Variants in TUBGCP2 observed in about 807,000 individuals in gnomAD.
The protein encoded by TUBGCP2 is tubulin gamma complex component 2.
TUBGCP2 carries 55 observed loss-of-function variants against 92.2 expected under a neutral mutation model. The observed-to-expected ratio is 0.60, with a 90% CI of 0.48 to 0.75. The LOEUF (loss-of-function observed/expected upper bound fraction) is 0.75, where lower values mean the gene tolerates loss of function less well. Among genes scored for constraint, TUBGCP2 ranks in the 30% least tolerant of loss-of-function variants. The pLI is 0.00. For missense variants in TUBGCP2, 1,093 were observed against 1,188.9 expected, an observed-to-expected ratio of 0.92 and a Z score of 1.19; for synonymous variants, 533 against 505.2, an observed-to-expected ratio of 1.06 and a Z score of -0.74.
intron 14 of TUBGCP2, 95 bp downstream of exon 14, chr10:133,283,787 T>TGCCTCTCCCC: frequency 6.4e-7 from 1 of 1,559,382 alleles, no homozygotes; most frequent in East Asian, 2.3e-5. Context: ...CTGCACTCCC[T>TGCCTCTCCCC]GCCTCTCCCC....
rs752012796 is a variant in TUBGCP2 at position 133,298,159 on chromosome 10, GCAAA to G, written c.457-52_457-49del. Reference sequence around the variant, plus strand: ...CAAAACCAGAAAGATACACTTTAGCGCAAACACTCAACTAAAGACATGCATAGAA... The same window carrying G: ...CAAAACCAGAAAGATACACTTTAGCGCACTCAACTAAAGACATGCATAGAA... On this transcript the variant is annotated intron_variant, in intron 4 of 17. Coordinates refer to ENST00000252936, the MANE Select transcript of TUBGCP2 (RefSeq NM_006659.4). The G allele has an allele frequency of 1.2e-5, 19 of 1,584,470 alleles. No homozygotes were observed. The South Asian group carries it at 2.1e-4, about 18-fold the overall frequency.
intron 4 of TUBGCP2, among the ~76,000 whole-genome samples, 183 bp downstream of exon 4, chr10:133,299,244 A>T (rs1847569153): frequency 6.6e-6 from 1 of 152,190 alleles, no homozygotes; most frequent in African/African-American, 2.4e-5. Flanking sequence ...CTAAACATAT[A>T]GAGCTAGGTC....
In TUBGCP2 at chr10:133,292,033, CT is replaced by C. The variant is rs200336380; in HGVS notation, c.1214+465del. ...GTGTCCCCCATGTCCCTCTGTGTCC[CT>C]CCGTGTCCCTCCGTGTCCCCCATGT... On this transcript the variant is annotated intron_variant, in intron 8 of 17. Coordinates refer to ENST00000252936, the MANE Select transcript of TUBGCP2 (RefSeq NM_006659.4). Among the ~76,000 whole-genome samples, 7 of 7,420 alleles carry C rather than the reference CT, an allele frequency of 9.4e-4. 1 individual carries two copies. The highest frequency in any genetic ancestry group is 3.5e-3 in the African/African-American group (6 of 1,710). The allele number at this position is 7,420 out of a possible 152,430, so 4.9% of individuals were successfully genotyped here.
chr10:133,310,524 G>A (rs763838910), upstream of TUBGCP2: 7 of 552,966 alleles, frequency 1.3e-5, no homozygotes, highest in East Asian at 1.9e-4. Flanking sequence ...TGCCGGTGGA[G>A]GCAGCAGAGG....
intron 2 of TUBGCP2, 141 bp from the exon 3 acceptor site, chr10:133,300,254 C>T: frequency 2.0e-6 from 2 of 978,320 alleles, no homozygotes; most frequent in Non-Finnish European, 3.0e-6. Context: ...AATAAACTAA[C>T]AAAACTCATC....
At chr10:133,312,030 C>T, upstream of TUBGCP2, 1 of 1,534,624 alleles carries the variant, frequency 6.5e-7, no homozygotes, top group Non-Finnish European at 8.8e-7. Context: ...GTTTCTCTCG[C>T]ATACTCTGTT....
Position 133,284,010 on chromosome 10 carries a change from A to C in TUBGCP2, c.2025-8T>G. The C allele has an allele frequency of 6.2e-7, 1 of 1,612,944 alleles. No homozygotes were observed. Among genetic ancestry groups the C allele is most frequent in the Non-Finnish European group, 8.5e-7 (1 of 1,179,534 alleles). The stretch of plus-strand genomic sequence containing the variant: ...GTGAAAGCCCCAGCAAACCTGAGTG[A>C]CACGGAGGACGGAGGACAGCCATGG... On this transcript the variant is annotated splice_region_variant and splice_polypyrimidine_tract_variant and intron_variant, in intron 13 of 17. Coordinates refer to ENST00000252936, the MANE Select transcript of TUBGCP2 (RefSeq NM_006659.4).
chr10:133,281,537 T>C (rs1193448415), intron 16 of TUBGCP2, 101 bp from the exon 17 acceptor site: 1 of 1,402,478 alleles, frequency 7.1e-7, no homozygotes, highest in Non-Finnish European at 9.5e-7. Context: ...CCCTTCCCCT[T>C]TTCTTAAATA....
intron 13 of TUBGCP2, among the ~76,000 whole-genome samples, chr10:133,284,291 G>A (rs1847072244): frequency 6.6e-6 from 1 of 152,206 alleles, no homozygotes; most frequent in Non-Finnish European, 1.5e-5. Flanking sequence ...ACCCCTCGGA[G>A]CCCACGCCAG....
chr10:133,280,462 C>A (rs1846938506), intron 17 of TUBGCP2, among the ~76,000 whole-genome samples: 1 of 152,216 alleles, frequency 6.6e-6, no homozygotes, highest in Non-Finnish European at 1.5e-5. Flanking sequence ...GGGCACCACC[C>A]CTTCCAGGCT....
chr10:133,300,341 C>T (rs560555789), intron 2 of TUBGCP2: 9 of 437,392 alleles, frequency 2.1e-5, no homozygotes, highest in Non-Finnish European at 2.8e-5. Flanking sequence ...TTTGGGAGGC[C>T]GAGGCTGGTA....
At chr10:133,298,490 C>T (rs569955915) in intron 4 of TUBGCP2, among the ~76,000 whole-genome samples, 29 of 152,378 alleles carry the variant, frequency 1.9e-4, no homozygotes, top group African/African-American at 6.0e-4. Flanking sequence ...GTGACTAGGT[C>T]TGAACACCAC....
chr10:133,282,264 C>G lies in TUBGCP2; in HGVS notation c.2368G>C (p.Ala790Pro). ...TTCCGGGCCCGCTCCTCGGCCCCTGCGGGCAGCCCCAGGACGGTGCTGTGC... is the reference window on the plus strand; with the variant it reads ...TTCCGGGCCCGCTCCTCGGCCCCTGGGGGCAGCCCCAGGACGGTGCTGTGC... Reference protein sequence around the residue: ...LEHSTVLGLPAGAEERARKEL... With the variant: ...LEHSTVLGLPPGAEERARKEL... The change falls in exon 16 of 18, where the codon GCA (alanine) becomes CCA (proline). Residue 790 changes from alanine (A) to proline (P), a missense_variant. Physicochemically the swap from Ala to Pro is conservative, Grantham distance 27. This residue lies in a region of TUBGCP2 where 598 missense variants were observed against 675.5 expected (regional missense o/e 0.89). Transcript: ENST00000252936. The G allele has an allele frequency of 1.2e-6, 2 of 1,611,266 alleles. No homozygotes were observed. The highest frequency in any genetic ancestry group is 1.7e-6 in the Non-Finnish European group (2 of 1,179,082).
intron 14 of TUBGCP2, among the ~76,000 whole-genome samples, 183 bp downstream of exon 14, chr10:133,283,690 ATTCCCTGCC>A (rs1847049058): frequency 8.1e-5 from 1 of 12,290 alleles, no homozygotes; most frequent in Non-Finnish European, 1.4e-4. Flanking sequence ...CCTCTCCCGC[ATTCCCTGCC>A]TCTCCCGCAC....
At chr10:133,309,197 G>GGGCGGGGCCGGAGCCTGGGACA, upstream of TUBGCP2, 1 of 1,373,938 alleles carries the variant, frequency 7.3e-7, no homozygotes, top group Non-Finnish European at 9.6e-7. Flanking sequence ...TACGACTGCG[G>GGGCGGGGCCGGAGCCTGGGACA]GGCGGGGCCG....
chr10:133,285,835 C>T lies in TUBGCP2; in HGVS notation c.1723-207G>A, dbSNP rs1364139941. Among the ~76,000 whole-genome samples the T allele has an allele frequency of 6.6e-6, 1 of 152,028 alleles. No individual in the cohort carries two copies. The highest frequency in any genetic ancestry group is 1.9e-4 in the East Asian group (1 of 5,192). ...ACCACTTCCCATCAGAACAAAACAA[C>T]AAAAATTCAGATGAATTACTTTGTA... is the stretch of plus-strand genomic sequence containing the variant. On this transcript the variant is annotated intron_variant, in intron 11 of 17. Coordinates refer to ENST00000252936, the MANE Select transcript of TUBGCP2 (RefSeq NM_006659.4). This position sits in a 1 kb window ranked among gnomAD's most constrained non-coding sequence, Gnocchi z 6.8.
intron 14 of TUBGCP2, 136 bp from the exon 15 acceptor site, chr10:133,283,357 G>A (rs1299399087): frequency 7.8e-7 from 1 of 1,275,484 alleles, no homozygotes; most frequent in Non-Finnish European, 1.1e-6. Flanking sequence ...TGGGCTTTTA[G>A]GGGAAAACTT....
chr10:133,289,959 C>T lies in TUBGCP2; in HGVS notation c.1225G>A (p.Val409Ile). ...IIHDPYSEFM[V>I]EEHELRKERI... ...TCCTTCCGCAGCTCGTGCTCCTCGA[C>T]CATAAACTCACTAAAACCACAGGGA... The change falls in exon 9 of 18, where the codon GTC (valine) becomes ATC (isoleucine). Residue 409 changes from valine (V) to isoleucine (I), a missense_variant. By Grantham distance (29) the Val-to-Ile change is conservative (BLOSUM62 3). Around this residue, in one of 3 missense-constraint regions of TUBGCP2, gnomAD observed 598 missense variants for 675.5 expected, o/e 0.89. Transcript: ENST00000252936. 6.2e-7 allele frequency: 1 copy of T among 1,613,834 alleles called. No individual in the cohort carries two copies. The highest frequency in any genetic ancestry group is 8.5e-7 in the Non-Finnish European group (1 of 1,179,720).
chr10:133,283,738 T>TC (rs1310415940), intron 14 of TUBGCP2, 144 bp downstream of exon 14: 36 of 1,170,028 alleles, frequency 3.1e-5, no homozygotes, highest in African/African-American at 3.0e-4. Context: ...TCCCTGCCTC[T>TC]CCTGCACTCC....
Sources: allele counts gnomAD v4.1 joint callset (sites outside exome capture counted in the v4.1 genomes callset), GRCh38; gene constraint gnomAD v4.1.1; regional missense constraint gnomAD v4.1.1; non-coding constraint Gnocchi (gnomAD v3.1); transcripts MANE v1.5; gene names NCBI Gene and HGNC (gene_info 2026-07-23, HGNC 2026-07-21).